Variants in PRELID2 observed in about 807,000 individuals in gnomAD.
The protein encoded by PRELID2 is PRELI domain-containing protein 2.
PRELID2 carries 25 observed loss-of-function variants against 28.4 expected under a neutral mutation model. The observed-to-expected ratio is 0.88, with a 90% CI of 0.64 to 1.23. PRELID2 has a LOEUF of 1.23. PRELID2 is among the 50% of genes most tolerant of loss of function. The pLI is 0.00. For missense variants in PRELID2, 201 were observed against 214.4 expected (o/e 0.94, Z 0.39); for synonymous variants, 76 against 71.6 (o/e 1.06, Z -0.31).
At chr5:145,384,977 C>A in the PRELID2 span, among the ~76,000 whole-genome samples, 1 of 152,084 alleles carries the variant, frequency 6.6e-6, no homozygotes, top group Non-Finnish European at 1.5e-5. Context: ...GACAAATACA[C>A]AAACTATATC....
the PRELID2 span, among the ~76,000 whole-genome samples, chr5:145,379,559 A>C: frequency 6.6e-6 from 1 of 152,140 alleles, no homozygotes; most frequent in African/African-American, 2.4e-5. Flanking sequence ...GTGCAATGTT[A>C]ACACAGAGTA....
At chr5:145,351,985 C>T in the PRELID2 span, among the ~76,000 whole-genome samples, 1 of 152,184 alleles carries the variant, frequency 6.6e-6, no homozygotes, top group Non-Finnish European at 1.5e-5. Context: ...TTGGGCATCT[C>T]CACCCCTGTG....
the PRELID2 span, among the ~76,000 whole-genome samples, chr5:145,322,813 C>T: frequency 6.6e-6 from 1 of 151,700 alleles, no homozygotes; most frequent in Admixed American, 6.6e-5. Flanking sequence ...TTTGGGAGGC[C>T]GAGGTGGGTG....
chr5:145,451,981 C>T, the PRELID2 span, among the ~76,000 whole-genome samples: 3 of 152,146 alleles, frequency 2.0e-5, no homozygotes, highest in African/African-American at 7.2e-5. Flanking sequence ...CTTGTTCTTG[C>T]TTTTCCAAAT....
intron 1 of PRELID2, among the ~76,000 whole-genome samples, chr5:145,741,931 T>C (rs1243698181): frequency 2.1e-5 from 1 of 46,880 alleles, no homozygotes; most frequent in Non-Finnish European, 5.1e-5. Context: ...CAAATAAATT[T>C]ATTATAAATA....
At chr5:145,770,969 C>G (rs542101180) in intron 5 of PRELID2, among the ~76,000 whole-genome samples, 1 of 151,940 alleles carries the variant, frequency 6.6e-6, no homozygotes, top group East Asian at 1.9e-4. Flanking sequence ...GTAGTGTAGC[C>G]TAAGTGCAAA....
At chr5:145,361,971 T>G in the PRELID2 span, among the ~76,000 whole-genome samples, 2 of 152,150 alleles carry the variant, frequency 1.3e-5, no homozygotes, top group Admixed American at 1.3e-4. Context: ...CTCAGACACC[T>G]TATAGCTCTT....
the PRELID2 span, among the ~76,000 whole-genome samples, chr5:145,445,657 C>G: frequency 1.3e-5 from 2 of 151,836 alleles, no homozygotes; most frequent in East Asian, 3.9e-4. Context: ...ATATAAGGTG[C>G]TCAAGCAACT....
At chr5:145,452,691 T>C in the PRELID2 span, among the ~76,000 whole-genome samples, 1 of 152,034 alleles carries the variant, frequency 6.6e-6, no homozygotes, top group South Asian at 2.1e-4. Flanking sequence ...GATTCTAGCA[T>C]AGTTCTTAGC....
chr5:145,494,208 T>G (rs529109576), intron 1 of PRELID2, among the ~76,000 whole-genome samples: 2 of 152,292 alleles, frequency 1.3e-5, no homozygotes, highest in East Asian at 1.9e-4. Flanking sequence ...AATCAGATTT[T>G]CCTAATCCAA....
chr5:145,695,019 T>C (rs1755229735), intron 1 of PRELID2, among the ~76,000 whole-genome samples: 1 of 152,212 alleles, frequency 6.6e-6, no homozygotes. Flanking sequence ...CCTCGGCTGG[T>C]TACTACGGAT....
downstream of PRELID2, among the ~76,000 whole-genome samples, chr5:145,468,274 C>A (rs1206033265): frequency 6.6e-6 from 1 of 152,090 alleles, no homozygotes; most frequent in African/African-American, 2.4e-5. Flanking sequence ...GCATAGTATT[C>A]CATGGTATAT....
intron 1 of PRELID2, among the ~76,000 whole-genome samples, chr5:145,682,415 G>T (rs2149689853): frequency 6.6e-6 from 1 of 152,268 alleles, no homozygotes; most frequent in Non-Finnish European, 1.5e-5. Context: ...AGTATCTGCT[G>T]GGATCTTGTT....
the PRELID2 span, chr5:145,338,271 CT>C: frequency 6.6e-6 from 1 of 152,196 alleles, no homozygotes; most frequent in Admixed American, 6.5e-5. Context: ...CTCTTATTTG[CT>C]TGCTGGATGT....
At chr5:145,454,962 G>C in the PRELID2 span, among the ~76,000 whole-genome samples, 2 of 152,096 alleles carry the variant, frequency 1.3e-5, no homozygotes, top group African/African-American at 4.8e-5. Context: ...TTCTTTTGCT[G>C]TGCAGAAGCT....
intron 4 of PRELID2, among the ~76,000 whole-genome samples, chr5:145,798,764 A>G (rs973775936): frequency 6.6e-6 from 1 of 152,184 alleles, no homozygotes; most frequent in African/African-American, 2.4e-5. Flanking sequence ...TCAGCAAACT[A>G]TCATAAAGAC....
chr5:145,581,234 A>C (rs1182786275), intron 1 of PRELID2, among the ~76,000 whole-genome samples: 2 of 151,992 alleles, frequency 1.3e-5, no homozygotes, highest in Admixed American at 6.6e-5. Flanking sequence ...TCTACTCCCC[A>C]CAAAGTGCTG....
intron 1 of PRELID2, among the ~76,000 whole-genome samples, chr5:145,827,702 A>C (rs1755286222): frequency 6.6e-6 from 1 of 152,252 alleles, no homozygotes; most frequent in Non-Finnish European, 1.5e-5. Flanking sequence ...AAATGTATGC[A>C]TAAACCCAGT....
the PRELID2 span, among the ~76,000 whole-genome samples, chr5:145,245,671 C>T: frequency 6.6e-6 from 1 of 152,030 alleles, no homozygotes; most frequent in Non-Finnish European, 1.5e-5. Flanking sequence ...AGGAAAAATC[C>T]TTCCTGTTGA....
Sources: gnomAD v4.1 joint callset for allele counts (sites outside exome capture counted in the v4.1 genomes callset) on GRCh38, gnomAD v4.1.1 for gene constraint, MANE v1.5 for transcripts, NCBI Gene and HGNC (gene_info 2026-07-23, HGNC 2026-07-21) for gene names.